Variants in DLG1 observed in about 807,000 individuals in gnomAD.
DLG1 encodes discs large MAGUK scaffold protein 1.
A neutral mutation model predicts 123.4 loss-of-function variants in DLG1; 42 were observed. The ratio of observed to expected loss-of-function variants is 0.34; its 90% CI spans 0.27 to 0.44. The LOEUF (loss-of-function observed/expected upper bound fraction) is 0.44. Ranked by LOEUF, DLG1 falls within the 20% of genes least tolerant of loss-of-function variation. DLG1 has a pLI of 1.00. For synonymous variants in DLG1, 317 were observed against 356.2 expected, an observed-to-expected ratio of 0.89 and a Z score of 1.24; for missense variants, 942 against 1,082.6, an observed-to-expected ratio of 0.87 and a Z score of 1.82.
chr3:197,192,545 C>CA (rs1160619575), intron 5 of DLG1, among the ~76,000 whole-genome samples: 1 of 151,700 alleles, frequency 6.6e-6, no homozygotes, highest in Non-Finnish European at 1.5e-5. Flanking sequence ...GGTAAACAGC[C>CA]AAAAAATCAG....
intron 5 of DLG1, among the ~76,000 whole-genome samples, chr3:197,171,118 T>C (rs1054858767): frequency 2.0e-5 from 3 of 152,188 alleles, no homozygotes; most frequent in Non-Finnish European, 2.9e-5. Flanking sequence ...TAATGTGGCA[T>C]GTTTCTCTGA....
At chr3:197,081,858 AAC>A (rs1383840488) in intron 16 of DLG1, among the ~76,000 whole-genome samples, 1 of 152,206 alleles carries the variant, frequency 6.6e-6, no homozygotes, top group East Asian at 1.9e-4. Flanking sequence ...ACTACAATGA[AAC>A]AAGTTTTTAT....
Position 197,119,470 on chromosome 3 carries a change from G to T in DLG1, c.1226C>A (p.Ala409Glu), listed in dbSNP as rs1026224891. 25 of 1,611,710 alleles carry T rather than the reference G, an allele frequency of 1.6e-5. No individual in the cohort carries two copies. Among genetic ancestry groups the T allele is most frequent in the Non-Finnish European group, 2.0e-5 (23 of 1,178,376 alleles). Residue 409 changes from alanine (A) to glutamate (E), a missense_variant, in exon 12 of 25, where the codon GCA (alanine) becomes GAA (glutamate). Transcript: ENST00000667157. ...AACTGGGGAGTATCTGGCTGGAGAT[G>T]CTGGTGTCTGGCCCAAGAAGGAAGA... ...SPSSFLGQTPASPARYSPVSK... is the reference protein window; with the variant it reads ...SPSSFLGQTPESPARYSPVSK...
At chr3:197,237,119 T>G (rs900910881) in intron 4 of DLG1, among the ~76,000 whole-genome samples, 5 of 152,198 alleles carry the variant, frequency 3.3e-5, no homozygotes, top group Admixed American at 3.3e-4. Flanking sequence ...TAAACATATC[T>G]TTTAAAGACA....
At chr3:197,226,035 A>G (rs1231930333) in intron 4 of DLG1, 1 of 108,140 alleles carries the variant, frequency 9.2e-6, no homozygotes, top group African/African-American at 2.9e-5. Flanking sequence ...TTGTTTGCTG[A>G]CTGTCTTGAA....
chr3:197,262,985 C>A (rs1760102341), intron 4 of DLG1, among the ~76,000 whole-genome samples: 2 of 152,140 alleles, frequency 1.3e-5, no homozygotes, highest in South Asian at 4.1e-4. Flanking sequence ...CCCACCCCTG[C>A]AATTATCATT....
chr3:197,121,031 C>T (rs1776082456), intron 11 of DLG1, among the ~76,000 whole-genome samples: 1 of 151,640 alleles, frequency 6.6e-6, no homozygotes, highest in Non-Finnish European at 1.5e-5. Flanking sequence ...TGATTTTTGA[C>T]TCTTAAATTC....
chr3:197,287,973 T>C (rs1225853242), intron 3 of DLG1, among the ~76,000 whole-genome samples: 1 of 152,190 alleles, frequency 6.6e-6, no homozygotes, highest in African/African-American at 2.4e-5. Context: ...AAGAATATAG[T>C]AAAGAATTGA....
At chr3:197,153,048 GTTAT>G (rs1794735473) in intron 5 of DLG1, among the ~76,000 whole-genome samples, 1 of 152,130 alleles carries the variant, frequency 6.6e-6, no homozygotes, top group South Asian at 2.1e-4. Flanking sequence ...GTTTCATTAT[GTTAT>G]TTGTCTAGTG....
In DLG1 at chr3:197,193,379, G is replaced by A. The variant is rs189856672; in HGVS notation, c.483+1046C>T. On this transcript the variant is annotated intron_variant, in intron 5 of 24. Transcript: ENST00000667157. ...TAAGAATACCGATTGAAGAGAACAT[G>A]GATCAATTAAAAACTGTTAGATGTT... is the stretch of plus-strand genomic sequence containing the variant. Among the ~76,000 whole-genome samples the A allele has an allele frequency of 9.8e-4, 149 of 152,208 alleles. 1 individual carries two copies. Among genetic ancestry groups the A allele is most frequent in the African/African-American group, 3.2e-3 (134 of 41,528 alleles).
At chr3:197,121,702 T>C (rs1452380708) in intron 11 of DLG1, among the ~76,000 whole-genome samples, 1 of 151,884 alleles carries the variant, frequency 6.6e-6, no homozygotes, top group East Asian at 1.9e-4. Context: ...TTTCTTTTAC[T>C]ATTCTTGCTA....
intron 4 of DLG1, among the ~76,000 whole-genome samples, chr3:197,275,205 A>C (rs1765839611): frequency 6.6e-6 from 1 of 151,946 alleles, no homozygotes; most frequent in South Asian, 2.1e-4. Context: ...AAAAAGAAAA[A>C]AGATATTCTC....
At chr3:197,282,926 AG>A (rs1363625520) in intron 3 of DLG1, 81 bp from the exon 4 acceptor site, 1 of 804,584 alleles carries the variant, frequency 1.2e-6, no homozygotes, top group African/African-American at 1.8e-5. Context: ...ATAACTCAAA[AG>A]CACAATTTTT....
Position 197,119,319 on chromosome 3 carries a change from G to C in DLG1, c.1286+91C>G, listed in dbSNP as rs566409189. On this transcript the variant is annotated intron_variant, in intron 12 of 24. Transcript: ENST00000667157. ...CACTAACTGTCAATAAAATTTTTTA[G>C]TCCTAAAAATTGTGGCTATCTTACA... The C allele has an allele frequency of 5.4e-5, 62 of 1,145,512 alleles. No homozygotes were observed. The African/African-American group carries it at 9.0e-4, about 17-fold the overall frequency. The allele number at this position is 1,145,512 out of a possible 1,614,324, so 71.0% of individuals were successfully genotyped here.
intron 21 of DLG1, 86 bp downstream of exon 21, chr3:197,065,621 TA>T: frequency 9.3e-7 from 1 of 1,074,876 alleles, no homozygotes; most frequent in Non-Finnish European, 1.4e-6. Flanking sequence ...TACAAACCAT[TA>T]AAAAATGGTT....
intron 4 of DLG1, among the ~76,000 whole-genome samples, chr3:197,243,397 T>C (rs1156870709): frequency 6.6e-6 from 1 of 152,184 alleles, no homozygotes; most frequent in African/African-American, 2.4e-5. Flanking sequence ...CCTAACAATT[T>C]TCCCCTCTTG....
chr3:197,290,117 C>T (rs568130507), intron 3 of DLG1, among the ~76,000 whole-genome samples: 1 of 151,264 alleles, frequency 6.6e-6, no homozygotes, highest in African/African-American at 2.4e-5. Flanking sequence ...CTGGATCACT[C>T]AGAGCACAAA....
chr3:197,076,366 T>C (rs1747272634), intron 18 of DLG1, among the ~76,000 whole-genome samples: 1 of 152,044 alleles, frequency 6.6e-6, no homozygotes, highest in South Asian at 2.1e-4. Context: ...GTTATAAACA[T>C]ATAACTGAAA....
At chr3:197,228,688 A>G (rs368878560) in intron 4 of DLG1, among the ~76,000 whole-genome samples, 21 of 152,306 alleles carry the variant, frequency 1.4e-4, no homozygotes, top group African/African-American at 4.8e-4. Flanking sequence ...GATCTGATAG[A>G]TTTGCACTAA....
Sources: gnomAD v4.1 joint callset for allele counts (sites outside exome capture counted in the v4.1 genomes callset) on GRCh38, gnomAD v4.1.1 for gene constraint, MANE v1.5 for transcripts, NCBI Gene and HGNC (gene_info 2026-07-23, HGNC 2026-07-21) for gene names.